The following HUNK variants were observed in gnomAD, a reference collection of about 807,000 sequenced individuals.
HUNK encodes hormonally up-regulated neu tumor-associated kinase.
Under a neutral mutation model 61.0 loss-of-function variants are expected in HUNK, and 21 were observed. The ratio of observed to expected loss-of-function variants is 0.34; its 90% CI spans 0.24 to 0.50. The LOEUF is 0.50. Ranked by LOEUF, HUNK falls within the 20% of genes least tolerant of loss-of-function variation. HUNK has a pLI of 0.98. For missense variants in HUNK, 772 were observed against 945.7 expected, an observed-to-expected ratio of 0.82 and a Z score of 2.41; for synonymous variants, 371 against 386.1, an observed-to-expected ratio of 0.96 and a Z score of 0.46.
intron 1 of HUNK, among the ~76,000 whole-genome samples, chr21:31,913,994 G>T (rs1242632087): frequency 6.6e-6 from 1 of 152,132 alleles, no homozygotes; most frequent in Non-Finnish European, 1.5e-5. Context: ...ACTTATTGAG[G>T]ACTCTGATGA....
intron 8 of HUNK, among the ~76,000 whole-genome samples, chr21:31,986,653 C>T (rs565008862): frequency 6.6e-6 from 1 of 152,318 alleles, no homozygotes; most frequent in South Asian, 2.1e-4. Context: ...CCCACACACA[C>T]AGCGCTGCAT....
chr21:31,925,182 A>G (rs1339354060), intron 2 of HUNK, among the ~76,000 whole-genome samples: 1 of 152,208 alleles, frequency 6.6e-6, no homozygotes, highest in Non-Finnish European at 1.5e-5. Context: ...GTGAGGGTTA[A>G]AAGAGTAGAA....
chr21:31,894,996 C>G (rs2065555309), intron 1 of HUNK, among the ~76,000 whole-genome samples: 1 of 152,216 alleles, frequency 6.6e-6, no homozygotes, highest in Non-Finnish European at 1.5e-5. Flanking sequence ...CCAACAGTGA[C>G]TGATTAAGTG....
chr21:31,907,484 C>G (rs1429743159), intron 1 of HUNK, among the ~76,000 whole-genome samples: 1 of 152,070 alleles, frequency 6.6e-6, no homozygotes, highest in African/African-American at 2.4e-5. Context: ...GAGGATGTCT[C>G]CTGTGGATTC....
intron 3 of HUNK, among the ~76,000 whole-genome samples, chr21:31,945,575 T>C (rs1477883477): frequency 2.0e-5 from 3 of 152,190 alleles, no homozygotes; most frequent in East Asian, 3.9e-4. Flanking sequence ...AGTGGCTGGA[T>C]TGCATGTCAC....
chr21:31,897,071 C>T (rs1325854070), intron 1 of HUNK, among the ~76,000 whole-genome samples: 1 of 152,060 alleles, frequency 6.6e-6, no homozygotes, highest in Non-Finnish European at 1.5e-5. Flanking sequence ...ATGGGGAGAC[C>T]CTGTGTCTAC....
chr21:31,919,799 A>G (rs553699975), intron 1 of HUNK, among the ~76,000 whole-genome samples: 71 of 152,332 alleles, frequency 4.7e-4, no homozygotes, highest in South Asian at 8.3e-4. Flanking sequence ...CTGAAGGGCT[A>G]GAGTGAGGAG....
intron 6 of HUNK, 80 bp from the exon 7 acceptor site, chr21:31,974,475 G>A: frequency 7.6e-7 from 1 of 1,315,874 alleles, no homozygotes; most frequent in Non-Finnish European, 1.0e-6. Context: ...AATGAATGAA[G>A]CTGATTGTGC....
At chr21:31,889,621 G>A (rs985800598) in intron 1 of HUNK, among the ~76,000 whole-genome samples, 2 of 152,040 alleles carry the variant, frequency 1.3e-5, no homozygotes, top group Admixed American at 1.3e-4. Context: ...ATTCCCATAG[G>A]GTGACATTTT....
chr21:31,953,901 A>G (rs2052869900), intron 4 of HUNK, among the ~76,000 whole-genome samples: 1 of 152,206 alleles, frequency 6.6e-6, no homozygotes, highest in Admixed American at 6.5e-5. Context: ...CTCAACCCTG[A>G]CCAGACCTGC....
At chr21:31,892,205 AGAGAGT>A (rs1218196250) in intron 1 of HUNK, among the ~76,000 whole-genome samples, 65 of 137,822 alleles carry the variant, frequency 4.7e-4, no homozygotes, top group African/African-American at 1.2e-3. Context: ...AGAGAGAGAG[AGAGAGT>A]GTGTGTGTGT....
chr21:31,967,822 T>G (rs2026251), intron 5 of HUNK, among the ~76,000 whole-genome samples: 18,743 of 152,156 alleles, frequency 0.12, 1,370 homozygotes, highest in African/African-American at 0.2. Context: ...TCTGTTTATT[T>G]TCTTTCATTC....
intron 4 of HUNK, among the ~76,000 whole-genome samples, chr21:31,954,957 A>T (rs1568933845): frequency 6.6e-6 from 1 of 151,864 alleles, no homozygotes; most frequent in Non-Finnish European, 1.5e-5. Context: ...TAATTTTGGT[A>T]TTTTTTGTAG....
chr21:31,890,639 C>A (rs984555987), intron 1 of HUNK, among the ~76,000 whole-genome samples: 1 of 152,166 alleles, frequency 6.6e-6, no homozygotes, highest in African/African-American at 2.4e-5. Context: ...GAGGTTGTTA[C>A]AAAATTTTCC....
chr21:31,957,761 C>G (rs2052899533), intron 4 of HUNK, among the ~76,000 whole-genome samples: 2 of 152,158 alleles, frequency 1.3e-5, no homozygotes, highest in South Asian at 4.1e-4. Context: ...GAAGGTATTT[C>G]AACCACATCT....
chr21:31,916,983 C>T (rs1386588046), intron 1 of HUNK, among the ~76,000 whole-genome samples: 1 of 152,026 alleles, frequency 6.6e-6, no homozygotes, highest in Non-Finnish European at 1.5e-5. Flanking sequence ...GCCGGGTTTC[C>T]TCTCTTTCTG....
Position 31,999,020 on chromosome 21 carries a change from G to A in HUNK, c.1981G>A (p.Gly661Ser), listed in dbSNP as rs535099515. Residue 661 changes from glycine to serine, a missense_variant, in exon 11 of 11, where the codon GGC (glycine) becomes AGC (serine). Transcript: ENST00000270112. ...LGSPNCVKSR[G>S]RFPMMGIGQM... Reference sequence around the variant, plus strand: ...GAGCCCCAATTGTGTGAAAAGCCGAGGCCGGTTCCCTATGATGGGCATCGG... The same window carrying A: ...GAGCCCCAATTGTGTGAAAAGCCGAAGCCGGTTCCCTATGATGGGCATCGG... The A allele has an allele frequency of 6.2e-7, 1 of 1,614,210 alleles. No homozygotes were observed. Among genetic ancestry groups the A allele is most frequent in the South Asian group, 1.1e-5 (1 of 91,084 alleles).
chr21:31,960,185 G>A (rs1012576957), intron 5 of HUNK, among the ~76,000 whole-genome samples: 2 of 152,178 alleles, frequency 1.3e-5, no homozygotes, highest in Non-Finnish European at 2.9e-5. Context: ...TATGTGTTGT[G>A]CACCAATTAT....
chr21:31,895,405 G>A (rs2052418223), intron 1 of HUNK, among the ~76,000 whole-genome samples: 1 of 152,160 alleles, frequency 6.6e-6, no homozygotes, highest in East Asian at 1.9e-4. Context: ...TTATCAGCCC[G>A]GTTCCTTTCT....
Sources: allele counts gnomAD v4.1 joint callset (sites outside exome capture counted in the v4.1 genomes callset), GRCh38; gene constraint gnomAD v4.1.1; transcripts MANE v1.5; gene names NCBI Gene and HGNC (gene_info 2026-07-23, HGNC 2026-07-21).